The following RALYL variants were observed in gnomAD, a reference collection of about 807,000 sequenced individuals.
RALYL encodes RALY RNA binding protein like, also known as RNA-binding Raly-like protein.
RALYL carries 29 observed loss-of-function variants against 35.1 expected under a neutral mutation model. The ratio of observed to expected loss-of-function variants is 0.83; its 90% CI spans 0.61 to 1.13. The LOEUF is 1.13. Among genes scored for constraint, RALYL ranks in the 50% most tolerant of loss-of-function variants. The probability of loss-of-function intolerance (pLI) is 0.00; values close to 1 mark genes in which losing one functional copy is unlikely to be tolerated. For missense variants in RALYL, 359 were observed against 360.4 expected, an observed-to-expected ratio of 1.00 and a Z score of 0.03; for synonymous variants, 120 against 127.6, an observed-to-expected ratio of 0.94 and a Z score of 0.40.
chr8:84,292,563 A>G (rs1252820602), intron 1 of RALYL, among the ~76,000 whole-genome samples: 1 of 152,142 alleles, frequency 6.6e-6, no homozygotes, highest in Non-Finnish European at 1.5e-5. Flanking sequence ...CACAAAATAC[A>G]GGTCATAAAG....
intron 1 of RALYL, among the ~76,000 whole-genome samples, chr8:84,419,127 T>C (rs138022492): frequency 2.7e-3 from 412 of 152,296 alleles, no homozygotes; most frequent in African/African-American, 9.6e-3. Flanking sequence ...ACTTCCCAGA[T>C]TGGTAGTCCA....
At chr8:84,425,518 C>T (rs902833579) in intron 1 of RALYL, among the ~76,000 whole-genome samples, 3 of 152,218 alleles carry the variant, frequency 2.0e-5, no homozygotes, top group African/African-American at 7.2e-5. Flanking sequence ...TTCTGCGTCG[C>T]TCACGCTGGG....
chr8:84,683,150 T>A (rs1172154778), intron 2 of RALYL, among the ~76,000 whole-genome samples: 2 of 152,266 alleles, frequency 1.3e-5, no homozygotes, highest in South Asian at 4.1e-4. Flanking sequence ...AGTTGAGTGG[T>A]TTTGAGTGAG....
Position 84,572,874 on chromosome 8 carries a change from T to TC in RALYL, c.256+43300dup, listed in dbSNP as rs558200652. On this transcript the variant is annotated intron_variant, in intron 2 of 8. Coordinates refer to ENST00000521268, the MANE Select transcript of RALYL (RefSeq NM_173848.7). ...ACTCACTGTTCTATTTCCTTTTTTT[T>TC]CCCAATCTTCTCAATAATTATTTCC... Among the ~76,000 whole-genome samples, 24 of 151,692 alleles carry TC rather than the reference T, an allele frequency of 1.6e-4. No individual in the cohort carries two copies. The South Asian group carries it at 4.8e-3, about 30-fold the overall frequency.
At chr8:84,246,266 A>G (rs534171718) in intron 1 of RALYL, among the ~76,000 whole-genome samples, 27 of 152,168 alleles carry the variant, frequency 1.8e-4, no homozygotes, top group African/African-American at 5.3e-4. Flanking sequence ...CGATATAAAT[A>G]TCTACTTTGT....
At chr8:84,762,363 T>A (rs1266514874) in intron 2 of RALYL, among the ~76,000 whole-genome samples, 2 of 152,214 alleles carry the variant, frequency 1.3e-5, no homozygotes. Context: ...TTGTATTTCC[T>A]TGATGCCTTG....
chr8:84,423,669 G>A (rs188551795), intron 1 of RALYL, among the ~76,000 whole-genome samples: 4,548 of 150,908 alleles, frequency 0.03, 260 homozygotes, highest in African/African-American at 0.1. Flanking sequence ...TTTTGGCATG[G>A]TTTTGCAGTG....
At chr8:84,919,216 G>A (rs1003545078) in intron 8 of RALYL, among the ~76,000 whole-genome samples, 1 of 151,994 alleles carries the variant, frequency 6.6e-6, no homozygotes, top group African/African-American at 2.4e-5. Context: ...AGGCCTTAGA[G>A]GAAAGAGTGC....
At position 84,921,036 on chromosome 8, in the gene RALYL, A is replaced by C; in HGVS notation, c.*125A>C. The C allele has an allele frequency of 1.9e-6, 1 of 520,292 alleles. No homozygotes were observed. Among genetic ancestry groups the C allele is most frequent in the Admixed American group, 4.1e-5 (1 of 24,570 alleles). 32.2% of individuals were successfully genotyped at this position (520,292 alleles called of 1,614,324 possible). On this transcript the variant is annotated 3_prime_UTR_variant, in exon 9 of 9. Coordinates refer to ENST00000521268, the MANE Select transcript of RALYL (RefSeq NM_173848.7). ...TCAATTTATATAAAAACCCAAATAA[A>C]TAAAATGGACAGTATTGCTCAGTTT...
intron 1 of RALYL, among the ~76,000 whole-genome samples, chr8:84,451,016 T>G (rs1455872420): frequency 2.6e-5 from 4 of 152,002 alleles, no homozygotes; most frequent in African/African-American, 4.8e-5. Flanking sequence ...ACCAATTTGG[T>G]GTGGTCCACA....
At chr8:84,730,174 A>C (rs1233323498) in intron 2 of RALYL, among the ~76,000 whole-genome samples, 2 of 152,088 alleles carry the variant, frequency 1.3e-5, no homozygotes, top group Non-Finnish European at 2.9e-5. Flanking sequence ...CACATCAAAA[A>C]GCTTATCCAC....
At chr8:84,410,719 T>C (rs538169240) in intron 1 of RALYL, among the ~76,000 whole-genome samples, 4 of 151,892 alleles carry the variant, frequency 2.6e-5, no homozygotes, top group African/African-American at 9.6e-5. Flanking sequence ...CAAAAAAAGA[T>C]TTAATACGAA....
chr8:84,273,312 A>G (rs1410304993), intron 1 of RALYL, among the ~76,000 whole-genome samples: 2 of 152,220 alleles, frequency 1.3e-5, no homozygotes, highest in Admixed American at 1.3e-4. Flanking sequence ...GGCAGGCCTC[A>G]GGTCCTCTCT....
chr8:84,745,451 A>T (rs753309613), intron 2 of RALYL, among the ~76,000 whole-genome samples: 1 of 151,994 alleles, frequency 6.6e-6, no homozygotes, highest in Non-Finnish European at 1.5e-5. Context: ...TAAGTGTACT[A>T]CAGTGATTTT....
At chr8:84,746,650 G>T (rs1020888809) in intron 2 of RALYL, among the ~76,000 whole-genome samples, 1 of 151,838 alleles carries the variant, frequency 6.6e-6, no homozygotes, top group African/African-American at 2.4e-5. Flanking sequence ...TTCATAATAA[G>T]AAATTACATA....
At chr8:84,676,896 G>A (rs1478514360) in intron 2 of RALYL, among the ~76,000 whole-genome samples, 1 of 151,920 alleles carries the variant, frequency 6.6e-6, no homozygotes, top group Non-Finnish European at 1.5e-5. Context: ...TCTGCCTCCC[G>A]GGTTCAAGCA....
At chr8:84,884,000 T>C (rs527709263) in intron 7 of RALYL, among the ~76,000 whole-genome samples, 1 of 152,130 alleles carries the variant, frequency 6.6e-6, no homozygotes, top group South Asian at 2.1e-4. Flanking sequence ...AAAATTACAA[T>C]TAATAGGACT....
rs561173129 is a variant in RALYL, at chr8:84,563,858, A to T, written c.256+34281A>T. The stretch of plus-strand genomic sequence containing the variant: ...CTTATTTGCTTTGTTTTTAATTTTT[A>T]CATTTAAGGAACATTATTTTAACAA... On this transcript the variant is annotated intron_variant, in intron 2 of 8. Transcript: ENST00000521268. Among the ~76,000 whole-genome samples the T allele has an allele frequency of 5.3e-5, 8 of 151,824 alleles. No individual in the cohort carries two copies. In the South Asian group the frequency reaches 1.7e-3, roughly 31 times the overall value.
In RALYL at chr8:84,559,016, G is replaced by GT. The variant is rs774208632; in HGVS notation, c.256+29445dup. ...CACATTTTCATGTCATTACCATCAT[G>GT]TTTTTTCTGAAAAATAATTCCATAT... On this transcript the variant is annotated intron_variant, in intron 2 of 8. Transcript: ENST00000521268. 3.9e-5 allele frequency among the ~76,000 whole-genome samples: 6 copies of GT among 151,952 alleles called. No homozygotes were observed. The East Asian group carries it at 7.7e-4, about 20-fold the overall frequency.
Sources: gnomAD v4.1 joint callset for allele counts (sites outside exome capture counted in the v4.1 genomes callset) on GRCh38, gnomAD v4.1.1 for gene constraint, MANE v1.5 for transcripts, NCBI Gene and HGNC (gene_info 2026-07-23, HGNC 2026-07-21) for gene names.